DCAF5: variants seen among roughly 807,000 people sequenced by gnomAD.
DCAF5 encodes the protein DDB1 and CUL4 associated factor 5.
Under a neutral mutation model 80.7 loss-of-function variants are expected in DCAF5, and 9 were observed. That is an observed-to-expected ratio of 0.11 (90% confidence interval 0.07 to 0.19). DCAF5 has a LOEUF of 0.19. Among genes scored for constraint, DCAF5 ranks in the 10% least tolerant of loss-of-function variants. The pLI, the probability that DCAF5 is intolerant of heterozygous loss-of-function variation, is 1.00. For missense variants in DCAF5, 842 were observed against 1,205.7 expected, an observed-to-expected ratio of 0.70 and a Z score of 4.47; for synonymous variants, 433 against 461.9, an observed-to-expected ratio of 0.94 and a Z score of 0.80.
intron 6 of DCAF5, chr14:69,084,545 G>A: frequency 1.3e-6 from 1 of 759,534 alleles, no homozygotes; most frequent in East Asian, 2.4e-5. Context: ...TGGTGTTGAT[G>A]ACGATAAAGC....
intron 5 of DCAF5, among the ~76,000 whole-genome samples, chr14:69,099,362 T>A (rs566134439): frequency 6.7e-6 from 1 of 149,334 alleles, no homozygotes; most frequent in East Asian, 2.0e-4. Flanking sequence ...TGTCTACCCA[T>A]GAAACCTGAT....
At chr14:69,062,715 T>C (rs1443271702) in intron 7 of DCAF5, among the ~76,000 whole-genome samples, 2 of 152,200 alleles carry the variant, frequency 1.3e-5, no homozygotes, top group African/African-American at 4.8e-5. Flanking sequence ...TGAAGAGCCT[T>C]TATTTAGCCT....
At chr14:69,089,007 T>C (rs2139958730) in intron 6 of DCAF5, among the ~76,000 whole-genome samples, 1 of 152,228 alleles carries the variant, frequency 6.6e-6, no homozygotes, top group South Asian at 2.1e-4. Context: ...AAAAAAACTA[T>C]AAGTTCAGTA....
At chr14:69,087,263 G>A (rs1034720449) in intron 6 of DCAF5, among the ~76,000 whole-genome samples, 2 of 152,120 alleles carry the variant, frequency 1.3e-5, no homozygotes, top group Non-Finnish European at 2.9e-5. Flanking sequence ...TAAGAGACTC[G>A]CTCACTGAGT....
At chr14:69,121,103 A>G (rs143654100) in intron 2 of DCAF5, among the ~76,000 whole-genome samples, 1 of 152,316 alleles carries the variant, frequency 6.6e-6, no homozygotes, top group African/African-American at 2.4e-5. Context: ...TTAAAATGAC[A>G]AATAGTTTGG....
At chr14:69,061,912 T>C (rs747852341) in intron 8 of DCAF5, among the ~76,000 whole-genome samples, 2 of 152,160 alleles carry the variant, frequency 1.3e-5, no homozygotes, top group Non-Finnish European at 1.5e-5. Context: ...CCAGCTACTT[T>C]GGGGGGCTCA....
chr14:69,147,085 C>T lies in DCAF5; in HGVS notation c.214+5680G>A, dbSNP rs114376158. 5.2e-3 allele frequency among the ~76,000 whole-genome samples: 786 copies of T among 151,710 alleles called. 6 individuals carry two copies. Among genetic ancestry groups the T allele is most frequent in the African/African-American group, 0.018 (744 of 41,062 alleles). ...TCTACAAAAAACTGATTTCATAAAA[C>T]GTGATATAAACTAGTGACTGGGAAA... On this transcript the variant is annotated intron_variant, in intron 1 of 8. Transcript: ENST00000341516.
At chr14:69,079,532 T>A (rs2039022766) in intron 6 of DCAF5, among the ~76,000 whole-genome samples, 1 of 152,180 alleles carries the variant, frequency 6.6e-6, no homozygotes, top group Non-Finnish European at 1.5e-5. Flanking sequence ...CACAAAACTG[T>A]CCTGCAGAAT....
intron 2 of DCAF5, among the ~76,000 whole-genome samples, chr14:69,121,334 G>A (rs1156294551): frequency 1.3e-5 from 2 of 152,184 alleles, no homozygotes; most frequent in Non-Finnish European, 2.9e-5. Context: ...TAACGGATGA[G>A]TATGAGAGGC....
intron 1 of DCAF5, among the ~76,000 whole-genome samples, chr14:69,135,644 T>C (rs1448774590): frequency 2.0e-5 from 3 of 152,170 alleles, no homozygotes. Context: ...TCAAGGAAAA[T>C]AATTGGCAGT....
chr14:69,102,591 G>GACACACACAAACACACAC (rs2039996867), intron 5 of DCAF5, among the ~76,000 whole-genome samples: 1 of 124,880 alleles, frequency 8.0e-6, no homozygotes, highest in Non-Finnish European at 1.6e-5. Flanking sequence ...TAAAAACAAA[G>GACACACACAAACACACAC]ACACACACAC....
chr14:69,083,237 T>C (rs1200042413), intron 6 of DCAF5, among the ~76,000 whole-genome samples: 8 of 152,216 alleles, frequency 5.3e-5, no homozygotes, highest in African/African-American at 1.7e-4. Flanking sequence ...GAAAACAATG[T>C]AGATGTGTAC....
intron 6 of DCAF5, chr14:69,084,405 T>C (rs1360450735): frequency 3.3e-6 from 3 of 902,920 alleles, no homozygotes; most frequent in Admixed American, 3.4e-5. Flanking sequence ...GATGTTGAGT[T>C]TGAAGAGGAA....
At chr14:69,102,591 G>GACACACAC (rs143602483) in intron 5 of DCAF5, among the ~76,000 whole-genome samples, 25,778 of 124,708 alleles carry the variant, frequency 0.21, 3,610 homozygotes, top group Middle Eastern at 0.33. Flanking sequence ...TAAAAACAAA[G>GACACACAC]ACACACACAC....
intron 5 of DCAF5, among the ~76,000 whole-genome samples, chr14:69,110,155 T>C (rs532765327): frequency 2.3e-4 from 35 of 152,296 alleles, no homozygotes; most frequent in African/African-American, 8.4e-4. Flanking sequence ...ATTTTTTAAA[T>C]TGATTTTTTG....
intron 6 of DCAF5, among the ~76,000 whole-genome samples, chr14:69,082,895 C>T (rs893531703): frequency 6.6e-6 from 1 of 152,196 alleles, no homozygotes; most frequent in African/African-American, 2.4e-5. Flanking sequence ...CCTTCATTAA[C>T]ATCTACCAGG....
intron 8 of DCAF5, among the ~76,000 whole-genome samples, chr14:69,059,165 C>A (rs1428720378): frequency 6.6e-6 from 1 of 152,140 alleles, no homozygotes. Flanking sequence ...TGGCCCACTG[C>A]AGCTTCAATC....
At chr14:69,106,065 C>CT (rs1194454385) in intron 5 of DCAF5, among the ~76,000 whole-genome samples, 1 of 149,812 alleles carries the variant, frequency 6.7e-6, no homozygotes, top group African/African-American at 2.4e-5. Flanking sequence ...TTTTGTGTTG[C>CT]TTTTTTTGAG....
chr14:69,137,763 C>T (rs528760082), intron 1 of DCAF5, among the ~76,000 whole-genome samples: 124 of 152,290 alleles, frequency 8.1e-4, no homozygotes, highest in African/African-American at 2.9e-3. Flanking sequence ...CATTAGTCAA[C>T]CAGGGTCCGA....
Sources: allele counts gnomAD v4.1 joint callset (sites outside exome capture counted in the v4.1 genomes callset), GRCh38; gene constraint gnomAD v4.1.1; transcripts MANE v1.5; gene names NCBI Gene and HGNC (gene_info 2026-07-23, HGNC 2026-07-21).